The following MTREX variants were observed in gnomAD, a reference collection of about 807,000 sequenced individuals.
MTREX encodes the protein exosome RNA helicase MTR4.
Under a neutral mutation model 135.4 loss-of-function variants are expected in MTREX, and 76 were observed. The ratio of observed to expected loss-of-function variants is 0.56; its 90% CI spans 0.47 to 0.68. The LOEUF (loss-of-function observed/expected upper bound fraction) is 0.68, where lower values mean the gene tolerates loss of function less well. MTREX is among the 30% of genes least tolerant of loss of function. MTREX has a pLI of 0.00. For synonymous variants in MTREX, 404 were observed against 401.6 expected (o/e 1.01, Z -0.07); for missense variants, 920 against 1,262.1 (o/e 0.73, Z 4.11).
At chr5:55,411,177 A>G (rs1490705276) in intron 23 of MTREX, among the ~76,000 whole-genome samples, 1 of 152,214 alleles carries the variant, frequency 6.6e-6, no homozygotes, top group Non-Finnish European at 1.5e-5. Context: ...TCAAAAAATG[A>G]AGTGCTGGGT....
intron 19 of MTREX, among the ~76,000 whole-genome samples, chr5:55,394,300 C>G (rs1169572869): frequency 6.6e-6 from 1 of 152,240 alleles, no homozygotes; most frequent in South Asian, 2.1e-4. Context: ...TGAGTCTTCT[C>G]TGTCCAAACA....
At chr5:55,335,450 A>G (rs929336711) in intron 5 of MTREX, among the ~76,000 whole-genome samples, 30 of 152,000 alleles carry the variant, frequency 2.0e-4, no homozygotes, top group African/African-American at 6.8e-4. Flanking sequence ...TAGTTCTTCC[A>G]TTTAGATCTG....
rs770662845 is a variant in MTREX, at chr5:55,425,384, C to G, written c.*612C>G. ...ATAATTTAGATCAAGTTAAAAACTA[C>G]ATACAAAGTTGTGATCAACAGCATC... On this transcript the variant is annotated 3_prime_UTR_variant, in exon 27 of 27. Transcript: ENST00000230640. 40 of 1,492,788 alleles carry G rather than the reference C, an allele frequency of 2.7e-5. No individual in the cohort carries two copies. Among genetic ancestry groups the G allele is most frequent in the Non-Finnish European group, 3.7e-5 (40 of 1,094,990 alleles). 92.5% of individuals were successfully genotyped at this position (1,492,788 alleles called of 1,614,324 possible).
At chr5:55,399,437 A>G (rs1750689648) in intron 20 of MTREX, among the ~76,000 whole-genome samples, 1 of 152,092 alleles carries the variant, frequency 6.6e-6, no homozygotes, top group Non-Finnish European at 1.5e-5. Flanking sequence ...ATTGCATTTA[A>G]CCATTAATCA....
intron 12 of MTREX, 59 bp from the exon 13 acceptor site, chr5:55,350,860 A>G (rs559518795): frequency 1.5e-6 from 2 of 1,329,672 alleles, no homozygotes; most frequent in East Asian, 4.8e-5. Flanking sequence ...ATTTAGTTTA[A>G]CATTTTAAAA....
chr5:55,327,538 T>C (rs1749402591), intron 3 of MTREX, 178 bp from the exon 4 acceptor site: 1 of 549,308 alleles, frequency 1.8e-6, no homozygotes, highest in African/African-American at 1.9e-5. Context: ...GTGTTGAAAC[T>C]AGCTTTTTGC....
intron 19 of MTREX, among the ~76,000 whole-genome samples, chr5:55,392,729 AC>A (rs1750590177): frequency 1.3e-5 from 2 of 152,116 alleles, no homozygotes; most frequent in Non-Finnish European, 2.9e-5. Context: ...GACTATGCAC[AC>A]AGCCCTGTAC....
intron 6 of MTREX, 61 bp downstream of exon 6, chr5:55,340,245 G>T: frequency 7.6e-7 from 1 of 1,316,516 alleles, no homozygotes; most frequent in Non-Finnish European, 1.0e-6. Context: ...TGACTATTCA[G>T]TTAGAACCTG....
chr5:55,415,518 A>G (rs1750953558), intron 24 of MTREX, among the ~76,000 whole-genome samples: 1 of 152,250 alleles, frequency 6.6e-6, no homozygotes, highest in Admixed American at 6.5e-5. Context: ...TAGATTGCCA[A>G]GTAAAGAAGA....
intron 5 of MTREX, among the ~76,000 whole-genome samples, chr5:55,336,787 G>A (rs1749560503): frequency 6.6e-6 from 1 of 152,160 alleles, no homozygotes; most frequent in Non-Finnish European, 1.5e-5. Context: ...ATACGATAGT[G>A]TATTTTCAAT....
intron 16 of MTREX, among the ~76,000 whole-genome samples, chr5:55,374,794 C>T (rs1750266767): frequency 6.6e-6 from 1 of 152,130 alleles, no homozygotes; most frequent in Admixed American, 6.5e-5. Flanking sequence ...ACCTTCATCC[C>T]ATCTGACAAA....
chr5:55,372,938 G>C (rs1224543020), intron 16 of MTREX, among the ~76,000 whole-genome samples: 1 of 146,836 alleles, frequency 6.8e-6, no homozygotes, highest in East Asian at 2.0e-4. Flanking sequence ...GTGTGTGTGT[G>C]TGTGTTTGTC....
At chr5:55,399,028 A>T (rs1750684496) in intron 20 of MTREX, among the ~76,000 whole-genome samples, 1 of 152,192 alleles carries the variant, frequency 6.6e-6, no homozygotes, top group Admixed American at 6.5e-5. Context: ...TTTAAACTTC[A>T]GAACCGCAAT....
chr5:55,422,085 G>A (rs1050061391), intron 25 of MTREX, among the ~76,000 whole-genome samples: 28 of 152,142 alleles, frequency 1.8e-4, no homozygotes, highest in Admixed American at 1.2e-3. Context: ...ACTGCATTTT[G>A]AGAACTGGTA....
Position 55,327,813 on chromosome 5 carries a change from C to T in MTREX, c.402+35C>T, listed in dbSNP as rs764464442. Reference sequence around the variant, plus strand: ...TTGGGTAATACAGTTTATATAGTTTCGTGAGACTCTCTTTTTCTTAAAATT... The same window carrying T: ...TTGGGTAATACAGTTTATATAGTTTTGTGAGACTCTCTTTTTCTTAAAATT... On this transcript the variant is annotated intron_variant, in intron 4 of 26. Transcript: ENST00000230640. The T allele has an allele frequency of 2.8e-5, 40 of 1,417,820 alleles. No individual in the cohort carries two copies. In the East Asian group the frequency reaches 5.5e-4, roughly 19 times the overall value. The allele number at this position is 1,417,820 out of a possible 1,614,324, so 87.8% of individuals were successfully genotyped here.
At chr5:55,313,986 G>GT (rs1284593414) in intron 1 of MTREX, among the ~76,000 whole-genome samples, 3,881 of 144,268 alleles carry the variant, frequency 0.027, 138 homozygotes, top group African/African-American at 0.085. Flanking sequence ...GTAGAGAGCT[G>GT]TTTTTTTTTT....
chr5:55,317,411 T>C (rs1160645101), intron 1 of MTREX, among the ~76,000 whole-genome samples: 8 of 152,170 alleles, frequency 5.3e-5, no homozygotes, highest in Non-Finnish European at 8.8e-5. Context: ...CCAAACAGCA[T>C]GATACTGGTA....
At chr5:55,316,111 C>A (rs374625310) in intron 1 of MTREX, among the ~76,000 whole-genome samples, 1 of 152,050 alleles carries the variant, frequency 6.6e-6, no homozygotes, top group Non-Finnish European at 1.5e-5. Context: ...CTAAACAGAC[C>A]AGTAGCAAGC....
chr5:55,379,575 C>CAT (rs1750360917), intron 18 of MTREX, among the ~76,000 whole-genome samples: 1 of 101,280 alleles, frequency 9.9e-6, no homozygotes, highest in Non-Finnish European at 1.9e-5. Context: ...ATCTCCCTGA[C>CAT]ACACACACAC....
Sources: allele counts gnomAD v4.1 joint callset (sites outside exome capture counted in the v4.1 genomes callset), GRCh38; gene constraint gnomAD v4.1.1; transcripts MANE v1.5; gene names NCBI Gene and HGNC (gene_info 2026-07-23, HGNC 2026-07-21).